The following CADPS2 variants were observed in gnomAD, a reference collection of about 807,000 sequenced individuals.
CADPS2 encodes calcium-dependent secretion activator 2.
CADPS2 carries 93 observed loss-of-function variants against 172.5 expected under a neutral mutation model. That is an observed-to-expected ratio of 0.54 (90% CI 0.46 to 0.64). The LOEUF is 0.64. Ranked by LOEUF, CADPS2 falls within the 30% of genes least tolerant of loss-of-function variation. The pLI, the probability that CADPS2 is intolerant of heterozygous loss-of-function variation, is 0.00. For missense variants in CADPS2, 1,420 were observed against 1,565.9 expected, an observed-to-expected ratio of 0.91 and a Z score of 1.57; for synonymous variants, 546 against 555.2, an observed-to-expected ratio of 0.98 and a Z score of 0.23.
In CADPS2 at chr7:122,512,401, G is replaced by A. The variant is rs6952187; in HGVS notation, c.1542+848C>T. On this transcript the variant is annotated intron_variant, in intron 9 of 29. Coordinates refer to ENST00000449022, the MANE Select transcript of CADPS2 (RefSeq NM_017954.11). ...AGAGTGATACTCTTTTCATATATTG[G>A]GAACAAAATAGCTTGGATTTATCAT... 4.9e-3 allele frequency among the ~76,000 whole-genome samples: 740 copies of A among 152,004 alleles called. 7 individuals carry two copies. The highest frequency in any genetic ancestry group is 0.017 in the African/African-American group (707 of 41,464).
intron 2 of CADPS2, chr7:122,697,648 A>G: frequency 1.5e-6 from 1 of 686,774 alleles, no homozygotes; most frequent in Non-Finnish European, 2.3e-6. Flanking sequence ...GCTATCTTTG[A>G]GGTTGGACAA....
chr7:122,825,609 A>G (rs964941690), intron 1 of CADPS2, among the ~76,000 whole-genome samples: 2 of 152,150 alleles, frequency 1.3e-5, no homozygotes, highest in Admixed American at 6.6e-5. Context: ...TTTTGTGAAT[A>G]TATCTTATTA....
chr7:122,689,511 T>C (rs551349946), intron 2 of CADPS2, among the ~76,000 whole-genome samples: 3 of 152,274 alleles, frequency 2.0e-5, no homozygotes, highest in East Asian at 3.9e-4. Flanking sequence ...TGCTAAGGGA[T>C]AGAACCACAA....
intron 1 of CADPS2, among the ~76,000 whole-genome samples, chr7:122,782,164 T>C (rs1050061522): frequency 9.9e-5 from 15 of 152,192 alleles, no homozygotes; most frequent in African/African-American, 3.6e-4. Flanking sequence ...TTACCTTATA[T>C]CTAGCAACCT....
chr7:122,473,730 C>T (rs1299490835), intron 13 of CADPS2, among the ~76,000 whole-genome samples: 5 of 152,166 alleles, frequency 3.3e-5, no homozygotes, highest in African/African-American at 1.2e-4. Flanking sequence ...TCCCCATATT[C>T]TGAGGTGTCA....
intron 2 of CADPS2, among the ~76,000 whole-genome samples, chr7:122,734,388 A>AAAAAAAAAAAAAAAAAAAAAAC (rs2091976264): frequency 1.7e-5 from 1 of 57,500 alleles, no homozygotes; most frequent in African/African-American, 5.9e-5. Context: ...AAAAAAAAAG[A>AAAAAAAAAAAAAAAAAAAAAAC]AAAAAAAAAA....
intron 9 of CADPS2, among the ~76,000 whole-genome samples, chr7:122,491,698 G>C (rs557703073): frequency 2.6e-5 from 4 of 152,158 alleles, no homozygotes; most frequent in Non-Finnish European, 4.4e-5. Flanking sequence ...CCATAAATAA[G>C]TATTCATGTT....
rs184482051 is a variant in CADPS2, at chr7:122,734,660, A to C, written c.453+2295T>G. ...AATATGCAAAATATACTTCTAAAAA[A>C]ATGAAAGGCATTTTGGGAAAAAAAT... On this transcript the variant is annotated intron_variant, in intron 2 of 29. Transcript: ENST00000449022. 3.8e-3 allele frequency among the ~76,000 whole-genome samples: 582 copies of C among 152,180 alleles called. 1 individual carries two copies. The highest frequency in any genetic ancestry group is 6.6e-3 in the Non-Finnish European group (452 of 67,978).
At chr7:122,608,481 C>G (rs2073882140) in intron 6 of CADPS2, among the ~76,000 whole-genome samples, 1 of 152,104 alleles carries the variant, frequency 6.6e-6, no homozygotes. Flanking sequence ...AATGTTCTTT[C>G]AATAGTTTGA....
Position 122,853,627 on chromosome 7 carries a change from TCCTGACTAATATAC to T in CADPS2, c.339+32358_339+32371del, listed in dbSNP as rs142957986. Among the ~76,000 whole-genome samples the T allele has an allele frequency of 1.4e-3, 212 of 152,350 alleles. 6 individuals are homozygous for T. In the East Asian group the frequency reaches 0.03, roughly 22 times the overall value. On this transcript the variant is annotated intron_variant, in intron 1 of 29. Transcript: ENST00000449022. ...GTGATGTTTTGTTTTTCTGACTAGA[TCCTGACTAATATAC>T]CCTTACATCAAGAGTCACAAATGAA...
intron 1 of CADPS2, among the ~76,000 whole-genome samples, chr7:122,851,137 A>G (rs1813467625): frequency 6.6e-6 from 1 of 152,206 alleles, no homozygotes; most frequent in Admixed American, 6.5e-5. Context: ...ACACAAAATT[A>G]AACATGCAAA....
intron 9 of CADPS2, among the ~76,000 whole-genome samples, chr7:122,509,954 T>C (rs1370231044): frequency 6.6e-6 from 1 of 152,134 alleles, no homozygotes; most frequent in African/African-American, 2.4e-5. Context: ...TACTACAGAA[T>C]ATGGAATACC....
chr7:122,636,614 C>T (rs75017925), intron 3 of CADPS2, among the ~76,000 whole-genome samples: 1,615 of 151,992 alleles, frequency 0.011, 31 homozygotes, highest in African/African-American at 0.037. Context: ...TACAGGTGCA[C>T]ATCACCATGC....
chr7:122,455,947 C>T (rs2053717382), intron 14 of CADPS2, among the ~76,000 whole-genome samples: 1 of 152,126 alleles, frequency 6.6e-6, no homozygotes. Flanking sequence ...AGGTGATCCA[C>T]CCTCCTCAGC....
chr7:122,551,126 G>C lies in CADPS2; in HGVS notation c.1475+3424C>G, dbSNP rs145736125. Among the ~76,000 whole-genome samples the C allele has an allele frequency of 4.6e-3, 706 of 151,884 alleles. 6 individuals carry two copies. Among genetic ancestry groups the C allele is most frequent in the African/African-American group, 0.014 (570 of 41,468 alleles). On this transcript the variant is annotated intron_variant, in intron 8 of 29. Transcript: ENST00000449022. Reference sequence around the variant, plus strand: ...TAGATTGGATGCATTTTACCTTCTGGTTTAAAAAAATAGTCATATTAAAAT... The same window carrying C: ...TAGATTGGATGCATTTTACCTTCTGCTTTAAAAAAATAGTCATATTAAAAT...
chr7:122,536,615 GGTCA>G (rs2062309772), intron 8 of CADPS2, among the ~76,000 whole-genome samples: 1 of 151,930 alleles, frequency 6.6e-6, no homozygotes, highest in African/African-American at 2.4e-5. Flanking sequence ...TACTGATGAG[GGTCA>G]GTAACTGGAG....
At chr7:122,541,811 ATATTCATATG>A (rs1329159068) in intron 8 of CADPS2, among the ~76,000 whole-genome samples, 4 of 60,090 alleles carry the variant, frequency 6.7e-5, no homozygotes, top group East Asian at 7.9e-4. Flanking sequence ...ATATATTTAT[ATATTCATATG>A]TTTATATATT....
chr7:122,581,509 T>G (rs2068811911), intron 6 of CADPS2, among the ~76,000 whole-genome samples: 1 of 152,104 alleles, frequency 6.6e-6, no homozygotes, highest in Admixed American at 6.6e-5. Flanking sequence ...AATTAGCATG[T>G]TGGACTATAA....
In CADPS2 at chr7:122,407,538, ACTGT is replaced by A. The variant is rs1447888079; in HGVS notation, c.2744_2746+1del. 6.2e-7 allele frequency: 1 copy of A among 1,608,718 alleles called. No homozygotes were observed. ...CATATGAAAGAAAACGCAAATGCTC[ACTGT>A]CATTTCGGAGGAAATTATTAAGCAG... On this transcript the variant is annotated splice_donor_variant and coding_sequence_variant, in exon 20 of 30. Transcript: ENST00000449022. LOFTEE classifies it high-confidence loss of function.
Sources: gnomAD v4.1 joint callset for allele counts (sites outside exome capture counted in the v4.1 genomes callset) on GRCh38, gnomAD v4.1.1 for gene constraint, MANE v1.5 for transcripts, NCBI Gene and HGNC (gene_info 2026-07-23, HGNC 2026-07-21) for gene names.